TNFSF4: variants seen among roughly 807,000 people sequenced by gnomAD.
TNFSF4 encodes the protein tumor necrosis factor ligand superfamily member 4.
Under a neutral mutation model 7.3 loss-of-function variants are expected in TNFSF4, and 4 were observed. That is an observed-to-expected ratio of 0.55 (90% CI 0.27 to 1.25). TNFSF4 has a LOEUF of 1.25. Among genes scored for constraint, TNFSF4 ranks in the 50% most tolerant of loss-of-function variants. TNFSF4 has a pLI of 0.12. For synonymous variants in TNFSF4, 76 were observed against 83.7 expected, an observed-to-expected ratio of 0.91 and a Z score of 0.50; for missense variants, 181 against 208.8, an observed-to-expected ratio of 0.87 and a Z score of 0.82.
At chr1:173,411,573 G>A in the TNFSF4 span, among the ~76,000 whole-genome samples, 1 of 152,126 alleles carries the variant, frequency 6.6e-6, no homozygotes, top group South Asian at 2.1e-4. Flanking sequence ...GCTGAGGTGG[G>A]CAGATCACTT....
intron 1 of TNFSF4, among the ~76,000 whole-genome samples, chr1:173,191,811 A>T (rs767901079): frequency 3.3e-5 from 5 of 152,234 alleles, no homozygotes; most frequent in Non-Finnish European, 5.9e-5. Flanking sequence ...TTTCCAGAAG[A>T]TGAACACCAA....
chr1:173,445,652 A>G, the TNFSF4 span, among the ~76,000 whole-genome samples: 1 of 152,116 alleles, frequency 6.6e-6, no homozygotes. Flanking sequence ...AGCACCCAAA[A>G]TGGTCCTGGT....
At chr1:173,420,603 T>C in the TNFSF4 span, among the ~76,000 whole-genome samples, 2 of 151,938 alleles carry the variant, frequency 1.3e-5, no homozygotes, top group African/African-American at 4.8e-5. Context: ...ATAATTTCTT[T>C]AAGATGATGT....
chr1:173,297,233 C>G, the TNFSF4 span, among the ~76,000 whole-genome samples: 1 of 151,844 alleles, frequency 6.6e-6, no homozygotes, highest in Non-Finnish European at 1.5e-5. Context: ...TCATTATATT[C>G]ATACACCATC....
chr1:173,446,828 G>C, the TNFSF4 span, among the ~76,000 whole-genome samples: 1 of 152,214 alleles, frequency 6.6e-6, no homozygotes, highest in Non-Finnish European at 1.5e-5. Context: ...TGCAGACAAG[G>C]CTGCACTGTT....
the TNFSF4 span, among the ~76,000 whole-genome samples, chr1:173,372,038 C>T: frequency 6.6e-6 from 1 of 152,178 alleles, no homozygotes; most frequent in Admixed American, 6.5e-5. Context: ...AAGCCTCATG[C>T]CAGCAGGCTA....
chr1:173,287,304 C>T, the TNFSF4 span, among the ~76,000 whole-genome samples: 2 of 152,152 alleles, frequency 1.3e-5, no homozygotes, highest in African/African-American at 4.8e-5. Flanking sequence ...CACTGCACTC[C>T]AACCTGGATT....
At chr1:173,340,324 ACAC>A in the TNFSF4 span, among the ~76,000 whole-genome samples, 3 of 1,108 alleles carry the variant, frequency 2.7e-3, no homozygotes, top group African/African-American at 3.0e-3. Context: ...TAATCTGTTT[ACAC>A]ACACACACAC....
the TNFSF4 span, among the ~76,000 whole-genome samples, chr1:173,242,120 A>C: frequency 2.0e-5 from 3 of 152,222 alleles, no homozygotes; most frequent in Non-Finnish European, 4.4e-5. Flanking sequence ...TATGGAAGAA[A>C]AATGTGCCCC....
chr1:173,446,613 T>C, the TNFSF4 span, among the ~76,000 whole-genome samples: 2 of 152,180 alleles, frequency 1.3e-5, no homozygotes, highest in African/African-American at 4.8e-5. Context: ...CCCCTCAATC[T>C]GGGTGGGCAC....
chr1:173,378,782 T>C, the TNFSF4 span, among the ~76,000 whole-genome samples: 1 of 151,928 alleles, frequency 6.6e-6, no homozygotes, highest in Non-Finnish European at 1.5e-5. Flanking sequence ...AGCCTCCCTA[T>C]AGCTCCCCTT....
the TNFSF4 span, among the ~76,000 whole-genome samples, chr1:173,278,296 T>A: frequency 6.6e-6 from 1 of 151,988 alleles, no homozygotes; most frequent in African/African-American, 2.4e-5. Context: ...TATTTTTTAA[T>A]GAATGAATGA....
chr1:173,203,158 T>C (rs76318159), intron 1 of TNFSF4, among the ~76,000 whole-genome samples: 181 of 152,282 alleles, frequency 1.2e-3, no homozygotes, highest in Middle Eastern at 6.8e-3. Flanking sequence ...TCATTGATAA[T>C]AAGAAGAACC....
the TNFSF4 span, among the ~76,000 whole-genome samples, chr1:173,272,349 A>G: frequency 7.1e-4 from 108 of 152,142 alleles, 5 homozygotes; most frequent in South Asian, 0.022. Context: ...ATAATAATAA[A>G]AAAAACAGAT....
At chr1:173,254,933 A>G in the TNFSF4 span, among the ~76,000 whole-genome samples, 1 of 152,230 alleles carries the variant, frequency 6.6e-6, no homozygotes, top group East Asian at 1.9e-4. Flanking sequence ...ATCTTTGCCC[A>G]CAGTGCACTG....
chr1:173,410,555 A>G, the TNFSF4 span, among the ~76,000 whole-genome samples: 2 of 152,236 alleles, frequency 1.3e-5, no homozygotes, highest in South Asian at 4.1e-4. Flanking sequence ...CCTTATTACT[A>G]CCTTCCTCTC....
intron 2 of TNFSF4, 75 bp from the exon 3 acceptor site, chr1:173,186,940 G>T: frequency 1.0e-6 from 1 of 983,794 alleles, no homozygotes; most frequent in Non-Finnish European, 1.5e-6. Context: ...CAATACATCT[G>T]GAATCAGATG....
the TNFSF4 span, among the ~76,000 whole-genome samples, chr1:173,243,709 A>G: frequency 6.6e-6 from 1 of 152,168 alleles, no homozygotes; most frequent in Admixed American, 6.5e-5. Context: ...CTACTGATCA[A>G]CACACAGTGG....
At chr1:173,341,493 A>G in the TNFSF4 span, among the ~76,000 whole-genome samples, 1 of 152,196 alleles carries the variant, frequency 6.6e-6, no homozygotes, top group South Asian at 2.1e-4. Context: ...CTTGGCTGCC[A>G]CGACCTCCTC....
Sources: gnomAD v4.1 joint callset for allele counts (sites outside exome capture counted in the v4.1 genomes callset) on GRCh38, gnomAD v4.1.1 for gene constraint, MANE v1.5 for transcripts, NCBI Gene and HGNC (gene_info 2026-07-23, HGNC 2026-07-21) for gene names.